Variants in WWOX observed in about 807,000 individuals in gnomAD.
The protein encoded by WWOX is WW domain containing oxidoreductase.
A neutral mutation model predicts 46.2 loss-of-function variants in WWOX; 69 were observed. That is an observed-to-expected ratio of 1.49 (90% confidence interval 1.23 to 1.82). The LOEUF (loss-of-function observed/expected upper bound fraction) is 1.82, where lower values mean the gene tolerates loss of function less well. Ranked by LOEUF, WWOX falls within the 40% of genes most tolerant of loss-of-function variation. The probability of loss-of-function intolerance (pLI) is 0.00; values close to 1 mark genes in which losing one functional copy is unlikely to be tolerated. For missense variants in WWOX, 919 were observed against 542.6 expected, an observed-to-expected ratio of 1.69 and a Z score of -6.89; for synonymous variants, 359 against 202.6, an observed-to-expected ratio of 1.77 and a Z score of -6.56.
chr16:78,917,885 T>A (rs563427359), intron 8 of WWOX, among the ~76,000 whole-genome samples: 2 of 152,262 alleles, frequency 1.3e-5, no homozygotes, highest in African/African-American at 2.4e-5. Flanking sequence ...ATCTTGTTTT[T>A]TAAAACAAAA....
At chr16:78,590,919 A>G (rs2045335826) in intron 8 of WWOX, among the ~76,000 whole-genome samples, 1 of 152,172 alleles carries the variant, frequency 6.6e-6, no homozygotes. Flanking sequence ...GCATTTCTAA[A>G]TCTGAGTTTC....
intron 8 of WWOX, among the ~76,000 whole-genome samples, chr16:78,886,882 C>G (rs965697572): frequency 9.2e-5 from 14 of 152,122 alleles, no homozygotes; most frequent in African/African-American, 3.4e-4. Context: ...TGCACAGATA[C>G]AGGGGCAAGG....
At chr16:78,850,138 G>C (rs1329107894) in intron 8 of WWOX, among the ~76,000 whole-genome samples, 2 of 151,982 alleles carry the variant, frequency 1.3e-5, no homozygotes, top group African/African-American at 4.8e-5. Context: ...TTCACTACCA[G>C]TTTCTGTGTG....
At chr16:78,556,081 C>A (rs72803947) in intron 8 of WWOX, among the ~76,000 whole-genome samples, 9,095 of 152,056 alleles carry the variant, frequency 0.06, 350 homozygotes, top group Non-Finnish European at 0.088. Flanking sequence ...CCTGAAGATT[C>A]ATTCATTGTT....
chr16:78,672,942 T>C (rs1265857852), intron 8 of WWOX, among the ~76,000 whole-genome samples: 1 of 152,200 alleles, frequency 6.6e-6, no homozygotes, highest in Non-Finnish European at 1.5e-5. Context: ...GCGGTGACCT[T>C]GTGCAATCCA....
chr16:78,895,320 T>G (rs1032277362), intron 8 of WWOX: 3 of 152,218 alleles, frequency 2.0e-5, no homozygotes, highest in Admixed American at 6.5e-5. Flanking sequence ...AACTTAAGTT[T>G]CTGTGCATAC....
At chr16:78,462,727 C>T (rs562808304) in intron 8 of WWOX, among the ~76,000 whole-genome samples, 2 of 152,284 alleles carry the variant, frequency 1.3e-5, no homozygotes, top group East Asian at 1.9e-4. Context: ...TACAAACTGG[C>T]GTATGTTATA....
At chr16:79,029,249 C>T (rs143457154) in intron 8 of WWOX, among the ~76,000 whole-genome samples, 6 of 152,288 alleles carry the variant, frequency 3.9e-5, no homozygotes, top group African/African-American at 1.2e-4. Flanking sequence ...CTCAGTTCCA[C>T]GTCTTTGAGT....
At chr16:78,710,377 C>A (rs903521407) in intron 8 of WWOX, among the ~76,000 whole-genome samples, 1 of 149,854 alleles carries the variant, frequency 6.7e-6, no homozygotes, top group East Asian at 2.0e-4. Context: ...CGCACTAACC[C>A]TCCAGAGCCT....
intron 8 of WWOX, among the ~76,000 whole-genome samples, chr16:78,527,210 C>T (rs58715429): frequency 0.042 from 6,391 of 151,958 alleles, 304 homozygotes; most frequent in African/African-American, 0.12. Flanking sequence ...CCCCACACAA[C>T]CTAAGGACGA....
At chr16:78,761,577 C>G (rs141886845) in intron 8 of WWOX, among the ~76,000 whole-genome samples, 14 of 152,120 alleles carry the variant, frequency 9.2e-5, no homozygotes, top group African/African-American at 3.4e-4. Flanking sequence ...CTCTTGACCT[C>G]AGGACTCTCG....
chr16:79,126,706 G>T (rs1410798089), intron 8 of WWOX, among the ~76,000 whole-genome samples: 2 of 152,162 alleles, frequency 1.3e-5, no homozygotes, highest in Non-Finnish European at 2.9e-5. Context: ...TGGAGCACAG[G>T]CTGGAAAACT....
chr16:78,698,949 A>T (rs577525032), intron 8 of WWOX, among the ~76,000 whole-genome samples: 42 of 152,352 alleles, frequency 2.8e-4, no homozygotes, highest in Middle Eastern at 6.8e-3. Context: ...TATCATTTGT[A>T]CATTTAAAAT....
intron 8 of WWOX, among the ~76,000 whole-genome samples, chr16:78,653,664 G>A (rs2047016147): frequency 6.6e-6 from 1 of 152,216 alleles, no homozygotes. Flanking sequence ...TAGGACAGAG[G>A]AGCAAGTGGA....
chr16:78,643,050 C>G (rs1017603685), intron 8 of WWOX, among the ~76,000 whole-genome samples: 8 of 152,230 alleles, frequency 5.3e-5, no homozygotes, highest in Non-Finnish European at 1.0e-4. Flanking sequence ...ACTATTATCC[C>G]TGCTGCTGTT....
chr16:79,003,338 G>A (rs139783778), intron 8 of WWOX, among the ~76,000 whole-genome samples: 2 of 152,160 alleles, frequency 1.3e-5, no homozygotes, highest in Non-Finnish European at 2.9e-5. Context: ...AACATTTGCT[G>A]AGATCCTGCT....
At chr16:78,118,886 G>C (rs2032950700) in intron 4 of WWOX, 1 of 152,072 alleles carries the variant, frequency 6.6e-6, no homozygotes. Context: ...TTTTTAGGCA[G>C]CTGCAAGGAT....
chr16:79,060,707 AC>A (rs1440370706), intron 8 of WWOX, among the ~76,000 whole-genome samples: 1 of 152,230 alleles, frequency 6.6e-6, no homozygotes. Flanking sequence ...GTTTAATGTA[AC>A]CAATGAGGCC....
chr16:79,014,318 G>T (rs146747302), intron 8 of WWOX, among the ~76,000 whole-genome samples: 1 of 152,164 alleles, frequency 6.6e-6, no homozygotes, highest in Non-Finnish European at 1.5e-5. Flanking sequence ...TCCTGGGGTG[G>T]TTCTGCTGGC....
Sources: allele counts gnomAD v4.1 joint callset (sites outside exome capture counted in the v4.1 genomes callset), GRCh38; gene constraint gnomAD v4.1.1; transcripts MANE v1.5; gene names NCBI Gene and HGNC (gene_info 2026-07-23, HGNC 2026-07-21).